The following ACAP3 variants were observed in gnomAD, a reference collection of about 807,000 sequenced individuals.
ACAP3 encodes the protein ArfGAP with coiled-coil, ankyrin repeat and PH domains 3, also known as arf-GAP with coiled-coil, ANK repeat and PH domain-containing protein 3.
ACAP3 carries 56 observed loss-of-function variants against 104.1 expected under a neutral mutation model. The observed-to-expected ratio is 0.54, with a 90% CI of 0.43 to 0.67. The LOEUF (loss-of-function observed/expected upper bound fraction) is 0.67. Ranked by LOEUF, ACAP3 falls within the 30% of genes least tolerant of loss-of-function variation. The pLI, the probability that ACAP3 is intolerant of heterozygous loss-of-function variation, is 0.00. For synonymous variants in ACAP3, 628 were observed against 496.2 expected, an observed-to-expected ratio of 1.27 and a Z score of -3.53; for missense variants, 1,208 against 1,174.9, an observed-to-expected ratio of 1.03 and a Z score of -0.41.
At chr1:1,298,924 C>A in intron 10 of ACAP3, 1 of 571,382 alleles carries the variant, frequency 1.8e-6, no homozygotes, top group East Asian at 3.0e-5. Flanking sequence ...GAGTGCCGGC[C>A]CCACCCCAGC....
intron 4 of ACAP3, 127 bp downstream of exon 4, chr1:1,302,795 T>TCCCCC: frequency 3.0e-5 from 5 of 167,382 alleles, no homozygotes; most frequent in South Asian, 5.4e-5. Flanking sequence ...AATGTGGGAT[T>TCCCCC]CCCCCCCCCC....
intron 21 of ACAP3, 55 bp downstream of exon 21, chr1:1,294,347 A>ACCTGTGTCC (rs1641011083): frequency 6.5e-7 from 1 of 1,530,440 alleles, no homozygotes; most frequent in Non-Finnish European, 8.8e-7. Flanking sequence ...GCCACAGAAG[A>ACCTGTGTCC]TGCAAACGCG....
intron 1 of ACAP3, chr1:1,304,911 C>G (rs538647139): frequency 3.9e-5 from 6 of 152,358 alleles, no homozygotes; most frequent in Non-Finnish European, 8.8e-5. Context: ...GGGCCAGGAT[C>G]CCGGCAGCCC....
In ACAP3 at chr1:1,297,996, G is replaced by C; in HGVS notation, c.1016+17C>G. The C allele has an allele frequency of 6.2e-7, 1 of 1,611,624 alleles. No individual in the cohort carries two copies. The highest frequency in any genetic ancestry group is 8.5e-7 in the Non-Finnish European group (1 of 1,179,440). ...GCAGGTACGCCCCCCGCCCCACCCT[G>C]GGCTGGGCCTCCTCACTTGGTGGGT... On this transcript the variant is annotated intron_variant, in intron 13 of 23. Transcript: ENST00000354700.
At chr1:1,300,256 C>T in intron 6 of ACAP3, 54 bp from the exon 7 acceptor site, 1 of 1,540,392 alleles carries the variant, frequency 6.5e-7, no homozygotes. Flanking sequence ...AGCCCCAAGC[C>T]CTGCACCTGC....
rs1253573738 is a variant in ACAP3 at position 1,307,859 on chromosome 1, C to G, written c.-44G>C. ...GCTCACTGGCACGAGGACCGCGGCG[C>G]CGAGCGGCAGCCGCGCCGGCCCGGA... On this transcript the variant is annotated 5_prime_UTR_variant, in exon 1 of 24. Coordinates refer to ENST00000354700, the MANE Select transcript of ACAP3 (RefSeq NM_030649.3). 1.6e-5 allele frequency: 16 copies of G among 1,004,218 alleles called. No homozygotes were observed. The highest frequency in any genetic ancestry group is 1.8e-5 in the Non-Finnish European group (15 of 841,132). The allele number at this position is 1,004,218 out of a possible 1,614,324, so 62.2% of individuals were successfully genotyped here.
Position 1,298,389 on chromosome 1 carries a change from A to G in ACAP3, c.896T>C (p.Val299Ala). ...RWFSIQNSQL[V>A]YQKKLKDALT... Reference sequence around the variant, plus strand: ...GCACACCTTGAGCTTCTTCTGGTAGACCAGCTGGCTGTTCTGAATGGAGAA... The same window carrying G: ...GCACACCTTGAGCTTCTTCTGGTAGGCCAGCTGGCTGTTCTGAATGGAGAA... The change falls in exon 12 of 24, where the codon GTC (valine) becomes GCC (alanine). Residue 299 changes from valine to alanine, a missense_variant. Transcript: ENST00000354700. The G allele has an allele frequency of 6.2e-7, 1 of 1,603,180 alleles. No individual in the cohort carries two copies. The highest frequency in any genetic ancestry group is 8.5e-7 in the Non-Finnish European group (1 of 1,174,958).
At chr1:1,300,482 GC>G (rs761668966) in intron 6 of ACAP3, 26 bp downstream of exon 6, 21 of 1,585,028 alleles carry the variant, frequency 1.3e-5, no homozygotes, top group Non-Finnish European at 5.1e-6. Flanking sequence ...GCTGGTCCCC[GC>G]CCCCCAGCCC....
Position 1,295,722 on chromosome 1 carries a change from G to T in ACAP3, c.1705+14C>A. The T allele has an allele frequency of 1.3e-6, 2 of 1,591,230 alleles. No individual in the cohort carries two copies. Among genetic ancestry groups the T allele is most frequent in the Non-Finnish European group, 1.7e-6 (2 of 1,169,718 alleles). On this transcript the variant is annotated intron_variant, in intron 18 of 23. Coordinates refer to ENST00000354700, the MANE Select transcript of ACAP3 (RefSeq NM_030649.3). The stretch of plus-strand genomic sequence containing the variant: ...GCAAGCCCCTCCCAGCCCTGCCGGG[G>T]CATGGCCTCCCACCTGAGGACAGAG...
chr1:1,303,599 C>T lies in ACAP3; in HGVS notation c.106-318G>A, dbSNP rs552557862. ...ATAAGGCTGCCCACTCCCAGCTCCACGGCCTGTTGCCCCCTCCTCTTTCTC... is the reference window on the plus strand; with the variant it reads ...ATAAGGCTGCCCACTCCCAGCTCCATGGCCTGTTGCCCCCTCCTCTTTCTC... On this transcript the variant is annotated intron_variant, in intron 2 of 23. Coordinates refer to ENST00000354700, the MANE Select transcript of ACAP3 (RefSeq NM_030649.3). The surrounding 1 kb of genome is among the most constrained non-coding windows in gnomAD (Gnocchi z 4.0). 81 of 479,602 alleles carry T rather than the reference C, an allele frequency of 1.7e-4. No individual in the cohort carries two copies. In the South Asian group the frequency reaches 1.7e-3, roughly 10 times the overall value. 29.7% of individuals were successfully genotyped at this position (479,602 alleles called of 1,614,324 possible). A position where few individuals can be genotyped will look rare whatever the true frequency, so the allele number is the denominator to read the frequency against.
At chr1:1,299,608 G>A (rs979447456) in intron 9 of ACAP3, 19 of 709,334 alleles carry the variant, frequency 2.7e-5, no homozygotes, top group East Asian at 5.6e-5. Context: ...GGCCACAGAG[G>A]TGACCACCGC....
chr1:1,299,049 G>A lies in ACAP3; in HGVS notation c.750+296C>T. 5 of 567,766 alleles carry A rather than the reference G, an allele frequency of 8.8e-6. No homozygotes were observed. The South Asian group carries it at 1.1e-4, about 12-fold the overall frequency. 35.2% of individuals were successfully genotyped at this position (567,766 alleles called of 1,614,324 possible). ...GGACAGAGCCCCATTCAGGAGGCCT[G>A]GGAGTCACTGAGGGCCCTGTGTGTC... On this transcript the variant is annotated intron_variant, in intron 10 of 23. Transcript: ENST00000354700.
At chr1:1,299,309 C>A (rs376555536) in intron 10 of ACAP3, 36 bp downstream of exon 10, 1 of 1,591,720 alleles carries the variant, frequency 6.3e-7, no homozygotes, top group African/African-American at 1.3e-5. Context: ...TGGTCTCCCC[C>A]GACCCACAGC....
intron 12 of ACAP3, 48 bp downstream of exon 12, chr1:1,298,322 G>C (rs1338439564): frequency 1.2e-6 from 2 of 1,604,570 alleles, no homozygotes; most frequent in Non-Finnish European, 1.7e-6. Context: ...CTGTGGCCCA[G>C]GTGGGGCGTC....
In ACAP3 at chr1:1,300,548, C is replaced by T. The variant is rs1355169865; in HGVS notation, c.483G>A (p.Arg161=). 3 of 1,612,080 alleles carry T rather than the reference C, an allele frequency of 1.9e-6. No homozygotes were observed. The highest frequency in any genetic ancestry group is 2.2e-5 in the South Asian group (2 of 91,030). Residue 161 remains arginine (R), a synonymous_variant, in exon 6 of 24, where the codon AGG becomes AGA. Coordinates refer to ENST00000354700, the MANE Select transcript of ACAP3 (RefSeq NM_030649.3). Reference sequence around the variant, plus strand: ...CCAGTGCCAGGTGGCGGAAGCACTTCCTGGTGAGGGTGAGGGCCCCGGTGG... The same window carrying T: ...CCAGTGCCAGGTGGCGGAAGCACTTTCTGGTGAGGGTGAGGGCCCCGGTGG... ...EEATGALTLT[R]KCFRHLALDY...
intron 23 of ACAP3, 54 bp from the exon 24 acceptor site, chr1:1,293,762 C>CTGGAGGCCCCGCCCCTGCCT: frequency 6.7e-7 from 1 of 1,495,820 alleles, no homozygotes; most frequent in Non-Finnish European, 8.9e-7. Flanking sequence ...CGCCCCTGCC[C>CTGGAGGCCCCGCCCCTGCCT]TGGAGGCCCC....
intron 10 of ACAP3, 140 bp from the exon 11 acceptor site, chr1:1,298,819 C>A (rs761269942): frequency 1.5e-6 from 1 of 672,956 alleles, no homozygotes; most frequent in Non-Finnish European, 2.6e-6. Context: ...AGACGAGAGA[C>A]CCTCTGTTCA....
intron 4 of ACAP3, among the ~76,000 whole-genome samples, chr1:1,302,581 C>T (rs928567452): frequency 1.3e-5 from 2 of 152,300 alleles, no homozygotes; most frequent in South Asian, 4.1e-4. Context: ...TCACGGGTGC[C>T]TGTCCTGTGT....
intron 9 of ACAP3, 70 bp downstream of exon 9, chr1:1,299,761 C>A: frequency 2.0e-6 from 3 of 1,467,130 alleles, no homozygotes; most frequent in Non-Finnish European, 1.8e-6. Flanking sequence ...GAGGGTGTGC[C>A]GGGCATGGGG....
Sources: allele counts gnomAD v4.1 joint callset (sites outside exome capture counted in the v4.1 genomes callset), GRCh38; gene constraint gnomAD v4.1.1; non-coding constraint Gnocchi (gnomAD v3.1); transcripts MANE v1.5; gene names NCBI Gene and HGNC (gene_info 2026-07-23, HGNC 2026-07-21).